The following GLRA3 variants were observed in gnomAD, a reference collection of about 807,000 sequenced individuals.
The protein encoded by GLRA3 is glycine receptor subunit alpha-3.
GLRA3 carries 44 observed loss-of-function variants against 60.4 expected under a neutral mutation model. The ratio of observed to expected loss-of-function variants is 0.73; its 90% CI spans 0.57 to 0.94. GLRA3 has a LOEUF of 0.94. Ranked by LOEUF, GLRA3 falls within the 40% of genes least tolerant of loss-of-function variation. The pLI is 0.00. For synonymous variants in GLRA3, 223 were observed against 192.9 expected, an observed-to-expected ratio of 1.16 and a Z score of -1.29; for missense variants, 508 against 564.6, an observed-to-expected ratio of 0.90 and a Z score of 1.02.
chr4:174,750,490 A>G (rs1238873873), intron 3 of GLRA3, among the ~76,000 whole-genome samples: 1 of 152,140 alleles, frequency 6.6e-6, no homozygotes, highest in Non-Finnish European at 1.5e-5. Context: ...CCAGCTATGT[A>G]CCCTAAGAGG....
chr4:174,818,767 T>C (rs77441141), intron 1 of GLRA3, among the ~76,000 whole-genome samples: 1 of 152,144 alleles, frequency 6.6e-6, no homozygotes, highest in Non-Finnish European at 1.5e-5. Flanking sequence ...AGTTAAGGAC[T>C]CAGAGGTCCA....
intron 4 of GLRA3, among the ~76,000 whole-genome samples, chr4:174,721,275 C>T (rs1736120221): frequency 6.6e-6 from 1 of 152,062 alleles, no homozygotes; most frequent in African/African-American, 2.4e-5. Flanking sequence ...GATCTTCCCA[C>T]CTCAGCTTCC....
intron 2 of GLRA3, among the ~76,000 whole-genome samples, chr4:174,776,315 A>C (rs1448291628): frequency 6.6e-6 from 1 of 152,098 alleles, no homozygotes; most frequent in Non-Finnish European, 1.5e-5. Context: ...TTCCCTTTCG[A>C]AGTAGAGAAA....
At chr4:174,706,351 G>T (rs1012121855) in intron 5 of GLRA3, among the ~76,000 whole-genome samples, 3 of 152,166 alleles carry the variant, frequency 2.0e-5, no homozygotes, top group African/African-American at 7.2e-5. Flanking sequence ...AGTTTTATCT[G>T]ACATAAGGAT....
At chr4:174,668,430 C>T (rs144277463) in intron 7 of GLRA3, among the ~76,000 whole-genome samples, 59 of 152,224 alleles carry the variant, frequency 3.9e-4, no homozygotes, top group East Asian at 2.5e-3. Flanking sequence ...ATTATAACTA[C>T]GGCAGTATAT....
chr4:174,814,017 C>T lies in GLRA3; in HGVS notation c.71+14724G>A, dbSNP rs180937103. The stretch of plus-strand genomic sequence containing the variant: ...AGGAATCAGGACAAAGGCTTCTGGG[C>T]GCTGGCAGGAGTAGAACTCTGTGTG... On this transcript the variant is annotated intron_variant, in intron 1 of 9. Coordinates refer to ENST00000274093, the MANE Select transcript of GLRA3 (RefSeq NM_006529.4). Among the ~76,000 whole-genome samples, 574 of 152,238 alleles carry T rather than the reference C, an allele frequency of 3.8e-3. 2 individuals are homozygous for T. Among genetic ancestry groups the T allele is most frequent in the African/African-American group, 0.013 (547 of 41,548 alleles).
At chr4:174,711,813 T>A (rs1735729714) in intron 5 of GLRA3, among the ~76,000 whole-genome samples, 1 of 152,174 alleles carries the variant, frequency 6.6e-6, no homozygotes, top group Non-Finnish European at 1.5e-5. Context: ...CTGGTTAAAA[T>A]TATTCTGGAC....
intron 5 of GLRA3, among the ~76,000 whole-genome samples, chr4:174,710,224 A>G (rs564351675): frequency 7.8e-4 from 118 of 152,126 alleles, no homozygotes; most frequent in African/African-American, 2.7e-3. Context: ...CCATGTCTCA[A>G]TAAGCAGTAC....
At chr4:174,664,327 C>T (rs755094863) in intron 7 of GLRA3, among the ~76,000 whole-genome samples, 11 of 152,070 alleles carry the variant, frequency 7.2e-5, no homozygotes, top group South Asian at 2.1e-4. Context: ...TCTTCCTTCA[C>T]GGCACTCTGA....
At chr4:174,647,608 C>T (rs1732876080) in intron 9 of GLRA3, among the ~76,000 whole-genome samples, 1 of 151,982 alleles carries the variant, frequency 6.6e-6, no homozygotes, top group Admixed American at 6.6e-5. Context: ...TAGTGCAGCC[C>T]TGTTCCATAA....
At chr4:174,663,830 T>A (rs150970433) in intron 7 of GLRA3, among the ~76,000 whole-genome samples, 149 of 152,256 alleles carry the variant, frequency 9.8e-4, no homozygotes, top group African/African-American at 3.3e-3. Flanking sequence ...TTGCTCCCCC[T>A]CCTGTATGTC....
At chr4:174,669,909 T>C (rs1184810583) in intron 7 of GLRA3, among the ~76,000 whole-genome samples, 1 of 152,156 alleles carries the variant, frequency 6.6e-6, no homozygotes, top group Non-Finnish European at 1.5e-5. Flanking sequence ...CAACAGAGAA[T>C]CACATAATAA....
chr4:174,801,580 C>T (rs775403801), intron 1 of GLRA3, among the ~76,000 whole-genome samples: 15 of 152,084 alleles, frequency 9.9e-5, no homozygotes, highest in Non-Finnish European at 1.9e-4. Flanking sequence ...ACTGACTCCA[C>T]TTCTAACTTT....
At chr4:174,796,931 T>C (rs1330202980) in intron 1 of GLRA3, among the ~76,000 whole-genome samples, 1 of 152,154 alleles carries the variant, frequency 6.6e-6, no homozygotes. Context: ...ACTTTCTTCT[T>C]ATTACAGTAA....
At chr4:174,757,875 G>A (rs1737780254) in intron 3 of GLRA3, among the ~76,000 whole-genome samples, 1 of 152,114 alleles carries the variant, frequency 6.6e-6, no homozygotes, top group South Asian at 2.1e-4. Flanking sequence ...AGTGTTGCAG[G>A]TGGGGCCTGG....
intron 3 of GLRA3, among the ~76,000 whole-genome samples, chr4:174,757,464 G>A (rs1208819960): frequency 6.6e-6 from 1 of 152,096 alleles, no homozygotes; most frequent in Non-Finnish European, 1.5e-5. Flanking sequence ...TACAAGATGA[G>A]TCTGGAACAT....
intron 1 of GLRA3, among the ~76,000 whole-genome samples, chr4:174,814,822 T>A (rs1426465938): frequency 6.6e-6 from 1 of 152,188 alleles, no homozygotes; most frequent in Non-Finnish European, 1.5e-5. Context: ...ATTCAAGATG[T>A]GATTTGGGTG....
At chr4:174,827,829 A>G (rs1013871421) in intron 1 of GLRA3, among the ~76,000 whole-genome samples, 2 of 152,046 alleles carry the variant, frequency 1.3e-5, no homozygotes, top group East Asian at 3.8e-4. Context: ...AGAAATCAGT[A>G]TGCATATAAC....
intron 4 of GLRA3, among the ~76,000 whole-genome samples, chr4:174,717,803 G>A (rs1490316870): frequency 5.3e-5 from 8 of 152,134 alleles, no homozygotes; most frequent in Non-Finnish European, 1.2e-4. Flanking sequence ...CTTGTGAAAG[G>A]GCTTATTAGA....
Sources: allele counts gnomAD v4.1 joint callset (sites outside exome capture counted in the v4.1 genomes callset), GRCh38; gene constraint gnomAD v4.1.1; transcripts MANE v1.5; gene names NCBI Gene and HGNC (gene_info 2026-07-23, HGNC 2026-07-21).